Variants in ASRGL1 observed in about 807,000 individuals in gnomAD.
The protein encoded by ASRGL1 is isoaspartyl peptidase/L-asparaginase.
A neutral mutation model predicts 22.4 loss-of-function variants in ASRGL1; 16 were observed. The observed-to-expected ratio is 0.71, with a 90% CI of 0.48 to 1.08. The LOEUF is 1.08. ASRGL1 is among the 50% of genes least tolerant of loss of function. ASRGL1 has a pLI of 0.00. For synonymous variants in ASRGL1, 165 were observed against 159.3 expected (o/e 1.04, Z -0.27); for missense variants, 412 against 410.1 (o/e 1.00, Z -0.04).
intron 4 of ASRGL1, among the ~76,000 whole-genome samples, chr11:62,364,178 AT>A (rs1946553676): frequency 6.6e-6 from 1 of 150,934 alleles, no homozygotes; most frequent in Non-Finnish European, 1.5e-5. Context: ...AAAAAAAAAA[AT>A]CAGTACTCGC....
At chr11:62,381,192 C>T (rs1947058250) in intron 4 of ASRGL1, among the ~76,000 whole-genome samples, 1 of 152,144 alleles carries the variant, frequency 6.6e-6, no homozygotes, top group Non-Finnish European at 1.5e-5. Flanking sequence ...ACTTGTCTAA[C>T]CTGCATTTGA....
At chr11:62,393,692 A>T (rs1947391867), downstream of ASRGL1, among the ~76,000 whole-genome samples, 2 of 152,048 alleles carry the variant, frequency 1.3e-5, no homozygotes, top group South Asian at 4.1e-4. Context: ...ACATGCAACA[A>T]CTCCCCCTTT....
intron 4 of ASRGL1, chr11:62,383,208 C>T (rs1305141987): frequency 6.6e-6 from 1 of 152,156 alleles, no homozygotes; most frequent in Non-Finnish European, 1.5e-5. Context: ...CAGAAGGAAG[C>T]TTCTCCAAAT....
chr11:62,371,407 A>G, intron 4 of ASRGL1: 1 of 586,328 alleles, frequency 1.7e-6, no homozygotes, highest in Non-Finnish European at 3.0e-6. Context: ...ACCCGAGCAC[A>G]CCAAGAAGCA....
chr11:62,356,658 T>A (rs560055508), intron 3 of ASRGL1, among the ~76,000 whole-genome samples, 191 bp downstream of exon 3: 2 of 152,366 alleles, frequency 1.3e-5, no homozygotes, highest in East Asian at 3.9e-4. Flanking sequence ...AGTGAATGAT[T>A]ACTTTATCTT....
intron 2 of ASRGL1, among the ~76,000 whole-genome samples, chr11:62,341,102 C>T (rs572728808): frequency 3.9e-5 from 6 of 152,136 alleles, no homozygotes; most frequent in Middle Eastern, 3.4e-3. Context: ...TGACCATTTG[C>T]TTTCACTGGA....
intron 5 of ASRGL1, chr11:62,389,552 G>C (rs1947293281): frequency 2.4e-6 from 1 of 417,868 alleles, no homozygotes; most frequent in African/African-American, 2.0e-5. Context: ...TCGTGATTCT[G>C]TCTTCTCTTT....
At chr11:62,399,329 C>A in the ASRGL1 span, among the ~76,000 whole-genome samples, 2 of 152,244 alleles carry the variant, frequency 1.3e-5, no homozygotes, top group African/African-American at 4.8e-5. Context: ...GCCTCCTTAG[C>A]ATTCCCAGCC....
At chr11:62,356,917 CA>C (rs1946310912) in intron 3 of ASRGL1, 69 bp from the exon 4 acceptor site, 6 of 1,499,138 alleles carry the variant, frequency 4.0e-6, no homozygotes, top group Non-Finnish European at 5.4e-6. Context: ...TATTTCAACA[CA>C]GTTGGAACAG....
At chr11:62,340,263 C>G (rs1312695898) in intron 2 of ASRGL1, among the ~76,000 whole-genome samples, 2 of 152,190 alleles carry the variant, frequency 1.3e-5, no homozygotes, top group Non-Finnish European at 2.9e-5. Flanking sequence ...GAGTGAGACT[C>G]TGTCTCTGAA....
chr11:62,372,935 T>C (rs1946812013), intron 4 of ASRGL1: 4 of 1,540,024 alleles, frequency 2.6e-6, no homozygotes, highest in Admixed American at 3.3e-5. Context: ...GCAGCATCAT[T>C]GTGGCAGCCG....
chr11:62,373,507 C>T (rs1946830710), intron 4 of ASRGL1, among the ~76,000 whole-genome samples: 1 of 152,128 alleles, frequency 6.6e-6, no homozygotes, highest in Non-Finnish European at 1.5e-5. Context: ...CCCCAAAACA[C>T]TCCTTTCCAG....
intron 4 of ASRGL1, among the ~76,000 whole-genome samples, chr11:62,366,074 C>T (rs1946603984): frequency 6.9e-6 from 1 of 144,778 alleles, no homozygotes; most frequent in African/African-American, 2.6e-5. Flanking sequence ...ACCCTGGGGC[C>T]AACATGGTGA....
intron 4 of ASRGL1, among the ~76,000 whole-genome samples, chr11:62,387,853 A>G (rs116882781): frequency 1.6e-3 from 251 of 152,326 alleles, no homozygotes; most frequent in Middle Eastern, 6.8e-3. Context: ...TGCCTCAAAT[A>G]TAATTCATTA....
chr11:62,367,389 T>A (rs959365324), intron 4 of ASRGL1, among the ~76,000 whole-genome samples: 3 of 151,040 alleles, frequency 2.0e-5, no homozygotes, highest in African/African-American at 7.3e-5. Context: ...TTCACACCTG[T>A]AATCCCAGCA....
intron 4 of ASRGL1, among the ~76,000 whole-genome samples, chr11:62,366,695 T>C (rs1193905476): frequency 1.3e-5 from 2 of 152,286 alleles, no homozygotes; most frequent in African/African-American, 4.8e-5. Flanking sequence ...TCTTTATAGA[T>C]AGATGGGATT....
intron 2 of ASRGL1, among the ~76,000 whole-genome samples, chr11:62,346,099 C>T (rs1379752978): frequency 6.6e-6 from 1 of 152,150 alleles, no homozygotes; most frequent in East Asian, 1.9e-4. Flanking sequence ...AGGGCTCAGT[C>T]CCGTAAGACT....
chr11:62,391,248 T>A (rs1011721638), intron 5 of ASRGL1, among the ~76,000 whole-genome samples: 3 of 152,202 alleles, frequency 2.0e-5, no homozygotes, highest in African/African-American at 7.2e-5. Context: ...AAGGAATGGC[T>A]GTGCTTTGGG....
At chr11:62,373,216 G>T in intron 4 of ASRGL1, 1 of 901,028 alleles carries the variant, frequency 1.1e-6, no homozygotes, top group East Asian at 2.4e-5. Context: ...TCTCATGGCA[G>T]CTGTCATTTC....
Sources: gnomAD v4.1 joint callset for allele counts (sites outside exome capture counted in the v4.1 genomes callset) on GRCh38, gnomAD v4.1.1 for gene constraint, MANE v1.5 for transcripts, NCBI Gene and HGNC (gene_info 2026-07-23, HGNC 2026-07-21) for gene names.